The following COL23A1 variants were observed in gnomAD, a reference collection of about 807,000 sequenced individuals.
The protein encoded by COL23A1 is collagen alpha-1(XXIII) chain.
In COL23A1, 97 loss-of-function variants were observed where a neutral mutation model predicts 99.3. The observed-to-expected ratio is 0.98, with a 90% CI of 0.83 to 1.16. COL23A1 has a LOEUF of 1.16. Ranked by LOEUF, COL23A1 falls within the 50% of genes most tolerant of loss-of-function variation. The pLI, the probability that COL23A1 is intolerant of heterozygous loss-of-function variation, is 0.00. For synonymous variants in COL23A1, 320 were observed against 308.2 expected (o/e 1.04, Z -0.40); for missense variants, 762 against 757.4 (o/e 1.01, Z -0.07).
chr5:178,425,419 C>A (rs1765863870), intron 2 of COL23A1, among the ~76,000 whole-genome samples: 2 of 135,492 alleles, frequency 1.5e-5, no homozygotes, highest in Admixed American at 8.1e-5. Flanking sequence ...AAGACTCCAT[C>A]TCAAAATAAA....
intron 1 of COL23A1, among the ~76,000 whole-genome samples, chr5:178,580,030 A>C (rs1215557545): frequency 6.6e-6 from 1 of 152,100 alleles, no homozygotes. Context: ...GGCTGTTGAG[A>C]AACTAGAGGA....
intron 2 of COL23A1, among the ~76,000 whole-genome samples, chr5:178,508,045 G>A (rs1015028636): frequency 2.7e-5 from 4 of 149,286 alleles, no homozygotes; most frequent in Non-Finnish European, 5.9e-5. Context: ...TCTTCCTTTG[G>A]TCTATTTTCT....
chr5:178,273,746 T>A (rs529342202), intron 5 of COL23A1, among the ~76,000 whole-genome samples: 1 of 152,234 alleles, frequency 6.6e-6, no homozygotes, highest in Admixed American at 6.5e-5. Context: ...CCCCCGAGCT[T>A]TCTGTGTGGG....
chr5:178,559,476 C>CAT (rs1265112771), intron 2 of COL23A1, among the ~76,000 whole-genome samples: 1 of 151,438 alleles, frequency 6.6e-6, no homozygotes, highest in African/African-American at 2.4e-5. Flanking sequence ...GTCTGAGACA[C>CAT]ATCACCCAAA....
At chr5:178,271,906 T>G (rs1390210439) in intron 5 of COL23A1, among the ~76,000 whole-genome samples, 1 of 152,190 alleles carries the variant, frequency 6.6e-6, no homozygotes, top group East Asian at 1.9e-4. Context: ...GGGGCTGCAC[T>G]AACCTCAGTG....
At chr5:178,256,320 C>G in intron 15 of COL23A1, 33 bp downstream of exon 15, 2 of 1,562,480 alleles carry the variant, frequency 1.3e-6, no homozygotes, top group Non-Finnish European at 1.7e-6. Context: ...TAGATCTCAT[C>G]CCTGAGGCCT....
chr5:178,483,793 G>A lies in COL23A1; in HGVS notation c.361+76889C>T, dbSNP rs962478253. Among the ~76,000 whole-genome samples the A allele has an allele frequency of 1.7e-4, 26 of 152,362 alleles. 1 individual carries two copies. The highest frequency in any genetic ancestry group is 1.4e-3 in the Admixed American group (21 of 15,308). ...TACCCACAAAGCACGTGGAGCCCGT[G>A]CAGCGGGGTTCCTCTTCAAAGAAAA... On this transcript the variant is annotated intron_variant, in intron 2 of 28. Transcript: ENST00000390654.
chr5:178,409,432 T>C (rs1764950186), intron 2 of COL23A1, among the ~76,000 whole-genome samples: 1 of 152,202 alleles, frequency 6.6e-6, no homozygotes, highest in African/African-American at 2.4e-5. Context: ...TTGGAGATGT[T>C]AGGAACATTG....
Position 178,336,845 on chromosome 5 carries a change from G to A in COL23A1, c.362-29926C>T, listed in dbSNP as rs1487165823. On this transcript the variant is annotated intron_variant, in intron 2 of 28. Transcript: ENST00000390654. The stretch of plus-strand genomic sequence containing the variant: ...TTTAAAAACAAAAATTAAAAGGAGG[G>A]AAAACTGGCTCTCCTAAGAGGGTAG... 2.0e-5 allele frequency among the ~76,000 whole-genome samples: 3 copies of A among 152,164 alleles called. No individual in the cohort carries two copies. The East Asian group carries it at 5.8e-4, about 29-fold the overall frequency.
chr5:178,238,815 C>T, intron 28 of COL23A1, 115 bp from the exon 29 acceptor site: 1 of 1,398,500 alleles, frequency 7.2e-7, no homozygotes, highest in Non-Finnish European at 1.0e-6. Flanking sequence ...CTTCCCTCCC[C>T]CCACTCCCTC....
chr5:178,256,454 C>T, intron 14 of COL23A1, 57 bp from the exon 15 acceptor site: 2 of 1,521,540 alleles, frequency 1.3e-6, no homozygotes, highest in Non-Finnish European at 1.8e-6. Context: ...AACACACCTC[C>T]CACGACCCTG....
intron 2 of COL23A1, among the ~76,000 whole-genome samples, chr5:178,381,686 A>G (rs554342414): frequency 6.5e-4 from 99 of 152,170 alleles, no homozygotes; most frequent in Non-Finnish European, 1.2e-3. Context: ...CCTACGCTGG[A>G]GTGCAGTGGC....
At chr5:178,538,632 T>C (rs564195) in intron 2 of COL23A1, among the ~76,000 whole-genome samples, 38,217 of 152,176 alleles carry the variant, frequency 0.25, 4,897 homozygotes, top group African/African-American at 0.29. Context: ...TGCCCATCAA[T>C]AAGGTAGCTG....
At chr5:178,406,007 G>T (rs969368200) in intron 2 of COL23A1, among the ~76,000 whole-genome samples, 1 of 152,164 alleles carries the variant, frequency 6.6e-6, no homozygotes, top group South Asian at 2.1e-4. Flanking sequence ...GGAGGCTGAG[G>T]CAGGAGAATC....
At chr5:178,345,190 A>G (rs1760891676) in intron 2 of COL23A1, 2 of 833,760 alleles carry the variant, frequency 2.4e-6, no homozygotes, top group South Asian at 1.3e-5. Flanking sequence ...CTAACTCCAG[A>G]CTCCACCAGA....
intron 28 of COL23A1, 54 bp downstream of exon 28, chr5:178,239,087 C>G: frequency 6.2e-7 from 1 of 1,603,880 alleles, no homozygotes; most frequent in South Asian, 1.1e-5. Flanking sequence ...CTCCCATTCC[C>G]CCACCCTCCC....
intron 3 of COL23A1, among the ~76,000 whole-genome samples, chr5:178,291,399 A>G (rs1280862973): frequency 6.6e-6 from 1 of 152,232 alleles, no homozygotes; most frequent in Non-Finnish European, 1.5e-5. Flanking sequence ...GGAGAAGGCC[A>G]GGAAGCTCCA....
chr5:178,308,340 G>A lies in COL23A1; in HGVS notation c.362-1421C>T, dbSNP rs920207041. Among the ~76,000 whole-genome samples, 1 of 152,162 alleles carries A rather than the reference G, an allele frequency of 6.6e-6. No homozygotes were observed. The highest frequency in any genetic ancestry group is 1.9e-4 in the East Asian group (1 of 5,176). ...TCAGGGACAGGGGACTTGAGGTGAG[G>A]ATTGTTAAACAAAACTTAAAAATGA... On this transcript the variant is annotated intron_variant, in intron 2 of 28. Coordinates refer to ENST00000390654, the MANE Select transcript of COL23A1 (RefSeq NM_173465.4). The surrounding 1 kb of genome is among the most constrained non-coding windows in gnomAD (Gnocchi z 5.1).
intron 8 of COL23A1, among the ~76,000 whole-genome samples, chr5:178,266,306 G>A (rs1410169155): frequency 1.3e-5 from 2 of 152,130 alleles, no homozygotes; most frequent in African/African-American, 4.8e-5. Context: ...CTCCCAAAGT[G>A]CTAGGATTAC....
Sources: gnomAD v4.1 joint callset for allele counts (sites outside exome capture counted in the v4.1 genomes callset) on GRCh38, gnomAD v4.1.1 for gene constraint, Gnocchi (gnomAD v3.1) non-coding constraint, MANE v1.5 for transcripts, NCBI Gene and HGNC (gene_info 2026-07-23, HGNC 2026-07-21) for gene names.